LRP12: variants seen among roughly 807,000 people sequenced by gnomAD.
The protein encoded by LRP12 is LDL receptor related protein 12.
A neutral mutation model predicts 66.0 loss-of-function variants in LRP12; 14 were observed. The ratio of observed to expected loss-of-function variants is 0.21; its 90% confidence interval spans 0.14 to 0.33. LRP12 has a LOEUF of 0.33. Ranked by LOEUF, LRP12 falls within the 10% of genes least tolerant of loss-of-function variation. The probability of loss-of-function intolerance (pLI) is 1.00; values close to 1 mark genes in which losing one functional copy is unlikely to be tolerated. For missense variants in LRP12, 889 were observed against 1,053.4 expected, an observed-to-expected ratio of 0.84 and a Z score of 2.16; for synonymous variants, 357 against 359.1, an observed-to-expected ratio of 0.99 and a Z score of 0.07.
intron 1 of LRP12, among the ~76,000 whole-genome samples, chr8:104,570,341 A>C (rs1475253901): frequency 1.3e-5 from 2 of 152,188 alleles, no homozygotes; most frequent in Non-Finnish European, 1.5e-5. Context: ...CAAAGAATAA[A>C]ACTGAAAGGA....
Position 104,491,078 on chromosome 8 carries a change from C to A in LRP12, c.2175G>T (p.Gln725His), listed in dbSNP as rs180719561. ...TCATACGACTGAGTGCACTTGTAAG[C>A]TGGTGACGTGCTGGACTCACACTTG... Reference protein sequence around the residue: ...EPPSVSPARHQLTSALSRMTQ... With the variant: ...EPPSVSPARHHLTSALSRMTQ... The change falls in exon 7 of 7, where the codon CAG (glutamine) becomes CAT (histidine). Residue 725 changes from glutamine (Q) to histidine (H), a missense_variant. Transcript: ENST00000276654. 10 of 1,614,158 alleles carry A rather than the reference C, an allele frequency of 6.2e-6. No individual in the cohort carries two copies. The African/African-American group carries it at 1.2e-4, about 19-fold the overall frequency.
chr8:104,522,188 C>T (rs1280784248), intron 2 of LRP12, among the ~76,000 whole-genome samples: 1 of 151,948 alleles, frequency 6.6e-6, no homozygotes, highest in Non-Finnish European at 1.5e-5. Flanking sequence ...TCCATTATTA[C>T]AAAATGTTAA....
At position 104,531,960 on chromosome 8, in the gene LRP12, T is replaced by C. The variant is rs1811330607; in HGVS notation, c.83A>G (p.Asn28Ser). The C allele has an allele frequency of 1.3e-6, 2 of 1,582,464 alleles. No individual in the cohort carries two copies. Among genetic ancestry groups the C allele is most frequent in the Non-Finnish European group, 1.7e-6 (2 of 1,165,054 alleles). Reference sequence around the variant, plus strand: ...TTCAGAATGTTCTGCAAGAGCACCATTTCCTAAAATTAAACATAATGAATA... The same window carrying C: ...TTCAGAATGTTCTGCAAGAGCACCACTTCCTAAAATTAAACATAATGAATA... ...LLLFLAGVYG[N>S]GALAEHSENV... is the part of the protein sequence containing the mutation. The change falls in exon 2 of 7, where the codon AAT (asparagine) becomes AGT (serine). Residue 28 changes from asparagine to serine, a missense_variant. Physicochemically the swap from Asn to Ser is conservative, Grantham distance 46. Transcript: ENST00000276654.
At chr8:104,531,525 C>A (rs1013699194) in intron 2 of LRP12, among the ~76,000 whole-genome samples, 6 of 152,036 alleles carry the variant, frequency 3.9e-5, no homozygotes, top group African/African-American at 1.2e-4. Context: ...CTATAAAAAT[C>A]AAGCAAAAAG....
intron 6 of LRP12, among the ~76,000 whole-genome samples, chr8:104,492,878 C>G (rs1254243398): frequency 6.6e-6 from 1 of 152,022 alleles, no homozygotes; most frequent in African/African-American, 2.4e-5. Context: ...AAAAGCGGTT[C>G]ACATTTATAA....
At chr8:104,526,352 A>C in intron 2 of LRP12, among the ~76,000 whole-genome samples, 1 of 151,864 alleles carries the variant, frequency 6.6e-6, no homozygotes, top group Non-Finnish European at 1.5e-5. Context: ...ATATGGAACC[A>C]AAAAAGAGCC....
At chr8:104,586,637 T>C (rs2140904296) in intron 1 of LRP12, among the ~76,000 whole-genome samples, 1 of 152,324 alleles carries the variant, frequency 6.6e-6, no homozygotes, top group Admixed American at 6.5e-5. Flanking sequence ...AGTTACTCAA[T>C]TCCCACTATT....
rs1810740580 is a variant in LRP12 at position 104,497,062 on chromosome 8, G to A, written c.1490C>T (p.Ala497Val). 3 of 1,610,940 alleles carry A rather than the reference G, an allele frequency of 1.9e-6. No individual in the cohort carries two copies. Among genetic ancestry groups the A allele is most frequent in the Non-Finnish European group, 8.5e-7 (1 of 1,178,184 alleles). Reference sequence around the variant, plus strand: ...GCCACAGATGAGGCTCCCTATGACGGCAGCAGTGATGACTCTTGTAGGCAC... The same window carrying A: ...GCCACAGATGAGGCTCCCTATGACGACAGCAGTGATGACTCTTGTAGGCAC... ...VIVPTRVITAAVIGSLICGLL... is the reference protein window; with the variant it reads ...VIVPTRVITAVVIGSLICGLL... Residue 497 changes from alanine to valine, a missense_variant, in exon 5 of 7, where the codon GCC (alanine) becomes GTC (valine). Ala to Val is a moderately conservative substitution (Grantham distance 64). This residue lies in a region of LRP12 where 800 missense variants were observed against 964.5 expected (regional missense o/e 0.83). Coordinates refer to ENST00000276654, the MANE Select transcript of LRP12 (RefSeq NM_013437.5). This position sits in a 1 kb window ranked among gnomAD's most constrained non-coding sequence, Gnocchi z 4.3.
At chr8:104,528,700 G>A (rs544755414) in intron 2 of LRP12, among the ~76,000 whole-genome samples, 112 of 151,920 alleles carry the variant, frequency 7.4e-4, no homozygotes, top group African/African-American at 2.5e-3. Flanking sequence ...GCTTGAACCC[G>A]GGAGGCAGCG....
intron 1 of LRP12, among the ~76,000 whole-genome samples, chr8:104,544,607 G>A (rs1327100385): frequency 6.6e-6 from 1 of 152,118 alleles, no homozygotes; most frequent in Non-Finnish European, 1.5e-5. Flanking sequence ...AAAAATCCTA[G>A]GGCCCTTAGG....
chr8:104,541,357 C>T (rs749620742), intron 1 of LRP12, among the ~76,000 whole-genome samples: 7 of 152,128 alleles, frequency 4.6e-5, no homozygotes, highest in Admixed American at 2.0e-4. Flanking sequence ...ACAACATAAA[C>T]TGGAAAAGGA....
chr8:104,500,350 ATAAC>A (rs1810806340), intron 3 of LRP12, among the ~76,000 whole-genome samples: 1 of 152,234 alleles, frequency 6.6e-6, no homozygotes. Context: ...AATATTCTGA[ATAAC>A]TAACAAAAGC....
chr8:104,514,812 C>A (rs2140848109), intron 2 of LRP12, among the ~76,000 whole-genome samples: 1 of 152,278 alleles, frequency 6.6e-6, no homozygotes, highest in South Asian at 2.1e-4. Context: ...TGGTAAAAGA[C>A]ATAGCACACT....
chr8:104,530,083 T>C (rs1226446882), intron 2 of LRP12, among the ~76,000 whole-genome samples: 2 of 152,208 alleles, frequency 1.3e-5, no homozygotes, highest in Non-Finnish European at 2.9e-5. Context: ...TTTTGAAATA[T>C]ATATTTTTCA....
At chr8:104,527,104 G>A (rs1207256233) in intron 2 of LRP12, among the ~76,000 whole-genome samples, 2 of 151,426 alleles carry the variant, frequency 1.3e-5, no homozygotes, top group Non-Finnish European at 2.9e-5. Context: ...CTGGCCATCA[G>A]AGAAATGCAA....
chr8:104,569,930 C>T (rs1024776624), intron 1 of LRP12, among the ~76,000 whole-genome samples: 1 of 152,088 alleles, frequency 6.6e-6, no homozygotes, highest in South Asian at 2.1e-4. Context: ...TACACAAATA[C>T]TCCTAGAACT....
intron 1 of LRP12, among the ~76,000 whole-genome samples, chr8:104,549,477 A>G (rs546247849): frequency 1.5e-5 from 2 of 137,262 alleles, no homozygotes; most frequent in South Asian, 4.5e-4. Context: ...ATCTCGGCTC[A>G]CCGCAAGCTC....
At chr8:104,495,329 G>A (rs1810707108) in intron 5 of LRP12, 120 bp from the exon 6 acceptor site, 2 of 1,007,866 alleles carry the variant, frequency 2.0e-6, no homozygotes, top group Non-Finnish European at 2.9e-6. Context: ...TTAAAGCTTA[G>A]TCATTTGACA....
intron 2 of LRP12, among the ~76,000 whole-genome samples, chr8:104,528,308 T>C (rs1376705333): frequency 3.3e-5 from 5 of 152,170 alleles, no homozygotes; most frequent in Admixed American, 2.6e-4. Flanking sequence ...ACCATTTCTG[T>C]GGCTTGCTGA....
Sources: gnomAD v4.1 joint callset for allele counts (sites outside exome capture counted in the v4.1 genomes callset) on GRCh38, gnomAD v4.1.1 for gene constraint, gnomAD v4.1.1 regional missense constraint, Gnocchi (gnomAD v3.1) non-coding constraint, MANE v1.5 for transcripts, NCBI Gene and HGNC (gene_info 2026-07-23, HGNC 2026-07-21) for gene names.